The following EYS variants were observed in gnomAD, a reference collection of about 807,000 sequenced individuals.
EYS encodes the protein EGF-like photoreceptor maintenance factor, also known as protein eyes shut homolog.
A neutral mutation model predicts 282.1 loss-of-function variants in EYS; 250 were observed. The ratio of observed to expected loss-of-function variants is 0.89; its 90% CI spans 0.80 to 0.98. EYS has a LOEUF of 0.98. Ranked by LOEUF, EYS falls within the 50% of genes least tolerant of loss-of-function variation. The pLI is 0.00. For synonymous variants in EYS, 1,355 were observed against 1,282.9 expected (o/e 1.06, Z -1.20); for missense variants, 4,016 against 3,709.0 (o/e 1.08, Z -2.15).
chr6:63,827,610 C>T (rs1056216492), intron 36 of EYS, among the ~76,000 whole-genome samples: 4 of 151,894 alleles, frequency 2.6e-5, no homozygotes, highest in African/African-American at 9.7e-5. Context: ...TTTGGGAGGC[C>T]GAGGCGGGTG....
At chr6:64,146,384 A>G (rs886644870) in intron 31 of EYS, among the ~76,000 whole-genome samples, 1 of 152,176 alleles carries the variant, frequency 6.6e-6, no homozygotes, top group African/African-American at 2.4e-5. Context: ...AAATTTTACT[A>G]TAACATATTT....
chr6:65,233,885 T>G (rs1167486145), intron 12 of EYS, among the ~76,000 whole-genome samples: 1 of 152,146 alleles, frequency 6.6e-6, no homozygotes, highest in Non-Finnish European at 1.5e-5. Context: ...GTTTTCATTT[T>G]CATGCCTTGA....
At chr6:64,279,186 T>G (rs1582526863) in intron 30 of EYS, among the ~76,000 whole-genome samples, 1 of 152,310 alleles carries the variant, frequency 6.6e-6, no homozygotes, top group East Asian at 1.9e-4. Context: ...GAATAGCTTT[T>G]GCTTTAAATA....
intron 13 of EYS, among the ~76,000 whole-genome samples, chr6:65,016,704 A>G (rs1184431856): frequency 6.6e-6 from 1 of 152,204 alleles, no homozygotes. Flanking sequence ...ACTGGACAGT[A>G]TAAATTCTGT....
At chr6:64,547,055 C>A (rs958445228) in intron 26 of EYS, among the ~76,000 whole-genome samples, 1 of 152,066 alleles carries the variant, frequency 6.6e-6, no homozygotes. Flanking sequence ...CGGACGTATT[C>A]GGAATTTCTT....
In EYS at chr6:65,124,316, T is replaced by C. The variant is rs748578940; in HGVS notation, c.2024-66589A>G. Among the ~76,000 whole-genome samples the C allele has an allele frequency of 2.0e-5, 3 of 152,312 alleles. No homozygotes were observed. In the East Asian group the frequency reaches 5.8e-4, roughly 29 times the overall value. On this transcript the variant is annotated intron_variant, in intron 12 of 42. Transcript: ENST00000503581. ...CTTTGTCACATTGAGAAAATTTAAATATTATTTCCAGATGAATAAATTTGT... is the reference window on the plus strand; with the variant it reads ...CTTTGTCACATTGAGAAAATTTAAACATTATTTCCAGATGAATAAATTTGT...
At chr6:64,407,900 T>A (rs937729024) in intron 28 of EYS, among the ~76,000 whole-genome samples, 1 of 151,962 alleles carries the variant, frequency 6.6e-6, no homozygotes, top group East Asian at 1.9e-4. Context: ...CCCAGCTAAT[T>A]TTTTGTATTT....
chr6:65,412,320 T>C (rs1767054346), intron 5 of EYS, among the ~76,000 whole-genome samples: 1 of 152,140 alleles, frequency 6.6e-6, no homozygotes, highest in Non-Finnish European at 1.5e-5. Flanking sequence ...TATTAATATA[T>C]AGGCTTCAGT....
intron 12 of EYS, among the ~76,000 whole-genome samples, chr6:65,223,228 G>A (rs539143967): frequency 7.2e-5 from 11 of 152,126 alleles, no homozygotes; most frequent in South Asian, 4.1e-4. Context: ...TTAGCTGGGC[G>A]TGGTGGTAGG....
intron 12 of EYS, among the ~76,000 whole-genome samples, chr6:65,228,601 T>C (rs1430920371): frequency 1.3e-5 from 2 of 152,066 alleles, no homozygotes; most frequent in Non-Finnish European, 2.9e-5. Flanking sequence ...CTTTCAGATA[T>C]TAATTCTCCA....
chr6:64,789,284 T>A (rs988009768), intron 22 of EYS, among the ~76,000 whole-genome samples: 2 of 152,216 alleles, frequency 1.3e-5, no homozygotes, highest in African/African-American at 4.8e-5. Flanking sequence ...ACAAATCACT[T>A]GAGACCCTGA....
In EYS at chr6:64,951,668, A is replaced by G. The variant is rs77915646; in HGVS notation, c.2260-5754T>C. ...TGAAATCTATAAAAGAGACAAAGAA[A>G]AACTCTGAGTTTGAAAATTATAACC... On this transcript the variant is annotated intron_variant, in intron 14 of 42. Coordinates refer to ENST00000503581, the MANE Select transcript of EYS (RefSeq NM_001142800.2). Among the ~76,000 whole-genome samples the G allele has an allele frequency of 1.6e-3, 247 of 151,968 alleles. 4 individuals carry two copies. In the East Asian group the frequency reaches 0.045, roughly 27 times the overall value.
intron 22 of EYS, among the ~76,000 whole-genome samples, chr6:64,755,766 G>A (rs1772918478): frequency 6.6e-6 from 1 of 152,036 alleles, no homozygotes; most frequent in Admixed American, 6.6e-5. Context: ...AGGGGGGTGA[G>A]GGATGAGAAA....
intron 2 of EYS, among the ~76,000 whole-genome samples, chr6:65,578,070 C>T (rs1162640019): frequency 1.3e-5 from 2 of 151,618 alleles, no homozygotes; most frequent in African/African-American, 4.8e-5. Context: ...GGAATCTAAC[C>T]AATAGGGATA....
At chr6:65,310,792 A>T (rs1180497831) in intron 11 of EYS, among the ~76,000 whole-genome samples, 1 of 152,134 alleles carries the variant, frequency 6.6e-6, no homozygotes, top group East Asian at 1.9e-4. Flanking sequence ...GTCTAACTCA[A>T]GTGTTACCAC....
rs149383815 is a variant in EYS, at chr6:65,682,701, T to C, written c.-448+24434A>G. Among the ~76,000 whole-genome samples the C allele has an allele frequency of 1.5e-3, 225 of 152,022 alleles. 1 individual carries two copies. Among genetic ancestry groups the C allele is most frequent in the African/African-American group, 5.1e-3 (210 of 41,542 alleles). On this transcript the variant is annotated intron_variant, in intron 1 of 42. Coordinates refer to ENST00000503581, the MANE Select transcript of EYS (RefSeq NM_001142800.2). ...TATAGCAGCTAAATAATTTTCTAGTTGTGTACCACATTCAAAGAAGTCAGA... is the reference window on the plus strand; with the variant it reads ...TATAGCAGCTAAATAATTTTCTAGTCGTGTACCACATTCAAAGAAGTCAGA...
chr6:65,417,566 G>T (rs1170614154), intron 5 of EYS, among the ~76,000 whole-genome samples: 1 of 151,908 alleles, frequency 6.6e-6, no homozygotes, highest in African/African-American at 2.4e-5. Context: ...ATTATTTTGG[G>T]CTTTGTGGGC....
chr6:65,443,434 A>T (rs1029572419), intron 5 of EYS, among the ~76,000 whole-genome samples: 1 of 150,910 alleles, frequency 6.6e-6, no homozygotes, highest in African/African-American at 2.4e-5. Flanking sequence ...ACATATATGT[A>T]CACATATAGC....
intron 21 of EYS, among the ~76,000 whole-genome samples, chr6:64,819,288 T>G (rs1349911864): frequency 6.6e-6 from 1 of 152,138 alleles, no homozygotes; most frequent in African/African-American, 2.4e-5. Flanking sequence ...TATCTAAGAT[T>G]TACAGAATGA....
Sources: gnomAD v4.1 joint callset for allele counts (sites outside exome capture counted in the v4.1 genomes callset) on GRCh38, gnomAD v4.1.1 for gene constraint, MANE v1.5 for transcripts, NCBI Gene and HGNC (gene_info 2026-07-23, HGNC 2026-07-21) for gene names.